TRIO: variants seen among roughly 807,000 people sequenced by gnomAD.
The protein encoded by TRIO is trio Rho guanine nucleotide exchange factor, also known as triple functional domain protein.
Under a neutral mutation model 351.9 loss-of-function variants are expected in TRIO, and 58 were observed. That is an observed-to-expected ratio of 0.16 (90% CI 0.13 to 0.21). The LOEUF (loss-of-function observed/expected upper bound fraction) is 0.21. Ranked by LOEUF, TRIO falls within the 10% of genes least tolerant of loss-of-function variation. The probability of loss-of-function intolerance (pLI) is 1.00; values close to 1 mark genes in which losing one functional copy is unlikely to be tolerated. For synonymous variants in TRIO, 1,758 were observed against 1,595.7 expected, an observed-to-expected ratio of 1.10 and a Z score of -2.42; for missense variants, 3,201 against 4,027.8, an observed-to-expected ratio of 0.79 and a Z score of 5.56.
At chr5:14,430,216 C>CAAAAAA (rs139833933) in intron 34 of TRIO, among the ~76,000 whole-genome samples, 6 of 118,542 alleles carry the variant, frequency 5.1e-5, no homozygotes, top group African/African-American at 1.9e-4. Flanking sequence ...ACCCAAATAG[C>CAAAAAA]AAAAAAAAAA....
intron 11 of TRIO, among the ~76,000 whole-genome samples, chr5:14,347,967 A>G (rs1369300872): frequency 6.6e-6 from 1 of 152,242 alleles, no homozygotes; most frequent in African/African-American, 2.4e-5. Flanking sequence ...ATAGGTGGCA[A>G]CAGCATGTGT....
At chr5:14,370,103 TTTTC>T (rs575017203) in intron 18 of TRIO, among the ~76,000 whole-genome samples, 263 of 151,834 alleles carry the variant, frequency 1.7e-3, no homozygotes, top group Middle Eastern at 6.8e-3. Flanking sequence ...CTGCTTTTTC[TTTTC>T]TTTCTTTCTT....
chr5:14,380,265 G>A (rs550901915), intron 20 of TRIO, among the ~76,000 whole-genome samples: 6 of 28,090 alleles, frequency 2.1e-4, no homozygotes, highest in Non-Finnish European at 2.9e-4. Flanking sequence ...TCTTCCCGGC[G>A]CCCCGCCTCC....
In TRIO at chr5:14,276,288, G is replaced by A. The variant is rs1043370472; in HGVS notation, c.233-4034G>A. The stretch of plus-strand genomic sequence containing the variant: ...GTGGGAGCTGGCAGGGACTGACTGA[G>A]AGTGCGGGAACTGGCGGGACTTTTC... On this transcript the variant is annotated intron_variant, in intron 2 of 56. Transcript: ENST00000344204. 1.3e-5 allele frequency among the ~76,000 whole-genome samples: 2 copies of A among 152,246 alleles called. 1 individual carries two copies. Among genetic ancestry groups the A allele is most frequent in the South Asian group, 4.1e-4 (2 of 4,826 alleles).
intron 18 of TRIO, among the ~76,000 whole-genome samples, chr5:14,374,018 A>C (rs533100210): frequency 3.3e-5 from 5 of 152,196 alleles, no homozygotes; most frequent in Non-Finnish European, 5.9e-5. Flanking sequence ...ATAGGGCAGA[A>C]TGTAGCAGCA....
At chr5:14,337,558 C>T (rs1310921171) in intron 11 of TRIO, among the ~76,000 whole-genome samples, 2 of 152,076 alleles carry the variant, frequency 1.3e-5, no homozygotes, top group African/African-American at 4.8e-5. Context: ...GGACTATGCA[C>T]ATGGAAGCTT....
chr5:14,467,643 T>G (rs1332262509), intron 37 of TRIO, among the ~76,000 whole-genome samples: 1 of 151,886 alleles, frequency 6.6e-6, no homozygotes, highest in African/African-American at 2.4e-5. Flanking sequence ...CGAGACCGCA[T>G]CTCTACAAAA....
intron 1 of TRIO, among the ~76,000 whole-genome samples, chr5:14,240,138 A>G (rs764154117): frequency 1.3e-5 from 2 of 152,232 alleles, no homozygotes; most frequent in Non-Finnish European, 2.9e-5. Flanking sequence ...AATAGTAATA[A>G]AAAGAGTTAA....
At chr5:14,371,908 T>C (rs892157696) in intron 18 of TRIO, among the ~76,000 whole-genome samples, 3 of 152,026 alleles carry the variant, frequency 2.0e-5, no homozygotes, top group East Asian at 1.9e-4. Flanking sequence ...TCCCAAAATA[T>C]TGGGATTACA....
intron 48 of TRIO, 165 bp downstream of exon 48, chr5:14,488,425 G>T (rs985420761): frequency 9.6e-7 from 1 of 1,040,308 alleles, no homozygotes; most frequent in Non-Finnish European, 1.3e-6. Context: ...CCGGCCCACG[G>T]CGCTACTAAC....
intron 1 of TRIO, among the ~76,000 whole-genome samples, chr5:14,260,341 C>T (rs946917873): frequency 1.3e-5 from 2 of 152,224 alleles, no homozygotes; most frequent in South Asian, 2.1e-4. Context: ...ACTGTTTACA[C>T]AGTTAAGGCT....
At chr5:14,219,476 G>A (rs564579142) in intron 1 of TRIO, among the ~76,000 whole-genome samples, 1 of 152,302 alleles carries the variant, frequency 6.6e-6, no homozygotes, top group East Asian at 1.9e-4. Flanking sequence ...AATGCTGCCC[G>A]CGTGTTTGGA....
Position 14,371,783 on chromosome 5 carries a change from G to C in TRIO, c.3216+2260G>C, listed in dbSNP as rs919955718. ...CGCCCCCCTAGGAGCTAGGACTACAGGCACTTGCCACCACACCTGGCTAAT... is the reference window on the plus strand; with the variant it reads ...CGCCCCCCTAGGAGCTAGGACTACACGCACTTGCCACCACACCTGGCTAAT... On this transcript the variant is annotated intron_variant, in intron 18 of 56. Transcript: ENST00000344204. Among the ~76,000 whole-genome samples the C allele has an allele frequency of 4.0e-5, 6 of 151,866 alleles. No homozygotes were observed. The East Asian group carries it at 1.2e-3, about 29-fold the overall frequency.
Position 14,496,978 on chromosome 5 carries a change from G to T in TRIO, c.7980G>T (p.Arg2660=). 1.2e-6 allele frequency: 2 copies of T among 1,614,204 alleles called. No individual in the cohort carries two copies. Among genetic ancestry groups the T allele is most frequent in the African/African-American group, 1.3e-5 (1 of 75,052 alleles). The part of the protein sequence containing the change: ...KREGKLENGY[R]KSREGLSNKV... ...AAGGCAAGTTAGAGAACGGTTATCG[G>T]AAGTCACGGGAAGGACTCAGCAACA... Residue 2660 remains arginine, a synonymous_variant, in exon 50 of 57, where the codon CGG becomes CGT. Transcript: ENST00000344204.
chr5:14,419,558 T>C (rs1749939638), intron 33 of TRIO, among the ~76,000 whole-genome samples: 1 of 152,180 alleles, frequency 6.6e-6, no homozygotes, highest in Admixed American at 6.5e-5. Context: ...AATACCACTT[T>C]GTGAGGAAGG....
chr5:14,160,860 A>G (rs892515036), intron 1 of TRIO, among the ~76,000 whole-genome samples: 2 of 152,146 alleles, frequency 1.3e-5, no homozygotes, highest in South Asian at 2.1e-4. Flanking sequence ...TTTTGTTTGC[A>G]TGGTCTAGGA....
intron 34 of TRIO, among the ~76,000 whole-genome samples, chr5:14,435,090 T>C (rs1044707751): frequency 3.3e-5 from 5 of 152,338 alleles, no homozygotes; most frequent in South Asian, 2.1e-4. Context: ...GCTAAAGTAG[T>C]GTCGCAGGAC....
At chr5:14,400,509 A>T (rs989922446) in intron 30 of TRIO, among the ~76,000 whole-genome samples, 5 of 152,216 alleles carry the variant, frequency 3.3e-5, no homozygotes, top group Admixed American at 6.5e-5. Flanking sequence ...AGCTAATGCT[A>T]TTGATAAAGA....
intron 53 of TRIO, among the ~76,000 whole-genome samples, chr5:14,499,827 G>A (rs983133777): frequency 6.6e-6 from 1 of 151,772 alleles, no homozygotes; most frequent in Admixed American, 6.6e-5. Flanking sequence ...CGAGGTGGGT[G>A]GATCACCAGG....
Sources: allele counts gnomAD v4.1 joint callset (sites outside exome capture counted in the v4.1 genomes callset), GRCh38; gene constraint gnomAD v4.1.1; transcripts MANE v1.5; gene names NCBI Gene and HGNC (gene_info 2026-07-23, HGNC 2026-07-21).